Variants in ANKRD29 observed in about 807,000 individuals in gnomAD.
The protein encoded by ANKRD29 is ankyrin repeat domain 29, also known as ankyrin repeat domain-containing protein 29.
ANKRD29 carries 32 observed loss-of-function variants against 38.0 expected under a neutral mutation model. That is an observed-to-expected ratio of 0.84 (90% CI 0.64 to 1.13). ANKRD29 has a LOEUF of 1.13. Ranked by LOEUF, ANKRD29 falls within the 50% of genes most tolerant of loss-of-function variation. The pLI, the probability that ANKRD29 is intolerant of heterozygous loss-of-function variation, is 0.00. For missense variants in ANKRD29, 357 were observed against 377.9 expected, an observed-to-expected ratio of 0.94 and a Z score of 0.46; for synonymous variants, 135 against 152.4, an observed-to-expected ratio of 0.89 and a Z score of 0.84.
intron 1 of ANKRD29, among the ~76,000 whole-genome samples, chr18:23,650,111 T>C (rs929416094): frequency 6.6e-6 from 1 of 152,068 alleles, no homozygotes; most frequent in Non-Finnish European, 1.5e-5. Flanking sequence ...ATAATGCCAT[T>C]ACATGTCTTC....
chr18:23,642,610 C>T (rs2060092155), intron 3 of ANKRD29, among the ~76,000 whole-genome samples: 1 of 152,212 alleles, frequency 6.6e-6, no homozygotes, highest in African/African-American at 2.4e-5. Flanking sequence ...AGAATGAGCC[C>T]AACGGGCCTG....
chr18:23,608,008 C>T (rs2059594427), intron 9 of ANKRD29, among the ~76,000 whole-genome samples: 1 of 152,216 alleles, frequency 6.6e-6, no homozygotes, highest in African/African-American at 2.4e-5. Flanking sequence ...CTTGGAACTC[C>T]TGGAGCAGAA....
chr18:23,622,203 G>A (rs184397103), intron 6 of ANKRD29, among the ~76,000 whole-genome samples: 101 of 152,262 alleles, frequency 6.6e-4, no homozygotes, highest in South Asian at 2.3e-3. Context: ...GGGAAGGGTC[G>A]TTTGAAGGAG....
chr18:23,646,573 G>A (rs778007470), intron 2 of ANKRD29: 58 of 275,702 alleles, frequency 2.1e-4, no homozygotes, highest in Non-Finnish European at 3.3e-4. Flanking sequence ...TTAAGGCAGC[G>A]ATGATATATT....
Position 23,599,307 on chromosome 18 carries a change from T to C in ANKRD29, c.*1919A>G, listed in dbSNP as rs1300983967. ...ACTGGCTTCAATTTTATGGCTCTAATATTGTTCAAGAACATTACCCACTTA... is the reference window on the plus strand; with the variant it reads ...ACTGGCTTCAATTTTATGGCTCTAACATTGTTCAAGAACATTACCCACTTA... On this transcript the variant is annotated 3_prime_UTR_variant, in exon 10 of 10. Coordinates refer to ENST00000592179, the MANE Select transcript of ANKRD29 (RefSeq NM_173505.4). 1 of 152,236 alleles carries C rather than the reference T, an allele frequency of 6.6e-6. No individual in the cohort carries two copies. Among genetic ancestry groups the C allele is most frequent in the African/African-American group, 2.4e-5 (1 of 41,454 alleles). The allele number at this position is 152,236 out of a possible 1,614,324, so 9.4% of individuals were successfully genotyped here. A position where few individuals can be genotyped will look rare whatever the true frequency, so the allele number is the denominator to read the frequency against.
rs1567998718 is a variant in ANKRD29, at chr18:23,600,275, T to C, written c.*951A>G. On this transcript the variant is annotated 3_prime_UTR_variant, in exon 10 of 10. Coordinates refer to ENST00000592179, the MANE Select transcript of ANKRD29 (RefSeq NM_173505.4). ...TCTTTTATTATTTATATTCCTGCAA[T>C]AGTAATAGCAACATACTGTACTTGC... The C allele has an allele frequency of 6.6e-6, 1 of 152,242 alleles. No homozygotes were observed. The highest frequency in any genetic ancestry group is 1.5e-5 in the Non-Finnish European group (1 of 68,034). The allele number at this position is 152,242 out of a possible 1,614,324, so 9.4% of individuals were successfully genotyped here.
In ANKRD29 at chr18:23,646,189, C is replaced by T. The variant is rs762776121; in HGVS notation, c.231G>A (p.Glu77=). ...LQGADINLQR[E]SGTTALFFAA... is the part of the protein sequence containing the mutation. ...TCTTCAAGTGCAAAGCCTGACCTACCTCTCTCTGGAGATTGATGTCTGCTC... is the reference window on the plus strand; with the variant it reads ...TCTTCAAGTGCAAAGCCTGACCTACTTCTCTCTGGAGATTGATGTCTGCTC... The change falls in exon 3 of 10, where the codon GAG becomes GAA. Residue 77 remains glutamate, a splice_region_variant and synonymous_variant. Transcript: ENST00000592179. The T allele has an allele frequency of 6.2e-7, 1 of 1,614,058 alleles. No homozygotes were observed. Among genetic ancestry groups the T allele is most frequent in the Non-Finnish European group, 8.5e-7 (1 of 1,179,992 alleles).
intron 3 of ANKRD29, among the ~76,000 whole-genome samples, chr18:23,640,823 A>G (rs1775021723): frequency 6.6e-6 from 1 of 152,234 alleles, no homozygotes; most frequent in African/African-American, 2.4e-5. Flanking sequence ...AGACACAGTG[A>G]AAAGAAATCC....
intron 9 of ANKRD29, among the ~76,000 whole-genome samples, chr18:23,603,252 A>G (rs2059535087): frequency 1.3e-5 from 2 of 152,258 alleles, no homozygotes; most frequent in Non-Finnish European, 2.9e-5. Context: ...TTACCTATGC[A>G]TGGTTTGTAA....
chr18:23,649,770 G>A lies in ANKRD29; in HGVS notation c.22-577C>T, dbSNP rs188790899. Reference sequence around the variant, plus strand: ...TTTTGAGATGGAGTCTCACTCTGTCGCCAGGCTGGAGTGCAGTGGTGTGAT... The same window carrying A: ...TTTTGAGATGGAGTCTCACTCTGTCACCAGGCTGGAGTGCAGTGGTGTGAT... On this transcript the variant is annotated intron_variant, in intron 1 of 9. Coordinates refer to ENST00000592179, the MANE Select transcript of ANKRD29 (RefSeq NM_173505.4). Among the ~76,000 whole-genome samples the A allele has an allele frequency of 6.6e-5, 10 of 152,108 alleles. No homozygotes were observed. In the East Asian group the frequency reaches 1.2e-3, roughly 18 times the overall value.
chr18:23,640,225 G>A (rs1423080056), intron 3 of ANKRD29, among the ~76,000 whole-genome samples: 1 of 152,210 alleles, frequency 6.6e-6, no homozygotes, highest in African/African-American at 2.4e-5. Context: ...GGGGCTGGAA[G>A]AGGCAAGGAA....
intron 7 of ANKRD29, among the ~76,000 whole-genome samples, chr18:23,619,078 G>A (rs916225804): frequency 6.6e-6 from 1 of 152,230 alleles, no homozygotes; most frequent in African/African-American, 2.4e-5. Context: ...GCACACAAAG[G>A]CAGTATTAGG....
chr18:23,635,137 T>A (rs1294799494), intron 4 of ANKRD29, among the ~76,000 whole-genome samples: 1 of 152,038 alleles, frequency 6.6e-6, no homozygotes, highest in Non-Finnish European at 1.5e-5. Flanking sequence ...GGTGTGGTGG[T>A]GTGCGCCTGT....
chr18:23,648,950 T>A (rs2060175115), intron 2 of ANKRD29, 133 bp downstream of exon 2: 1 of 756,116 alleles, frequency 1.3e-6, no homozygotes, highest in Non-Finnish European at 2.1e-6. Flanking sequence ...CTTGGATGTT[T>A]TAAAAAGGAT....
At chr18:23,625,541 G>A (rs1264182986) in intron 6 of ANKRD29, among the ~76,000 whole-genome samples, 1 of 152,180 alleles carries the variant, frequency 6.6e-6, no homozygotes, top group African/African-American at 2.4e-5. Flanking sequence ...CGACTCACTA[G>A]AGAAAGTGCA....
chr18:23,602,501 C>G (rs965275451), intron 9 of ANKRD29, among the ~76,000 whole-genome samples: 1 of 152,184 alleles, frequency 6.6e-6, no homozygotes, highest in African/African-American at 2.4e-5. Flanking sequence ...ATCTAGTGAA[C>G]CAGTCCCTAC....
chr18:23,609,139 G>C (rs1652379), intron 9 of ANKRD29: 150,036 of 152,038 alleles, frequency 0.99, 74,035 homozygotes, highest in East Asian at 1. Context: ...CTTCTGGCTC[G>C]AAGAGTTTGA....
chr18:23,644,568 T>C (rs2060115744), intron 3 of ANKRD29, among the ~76,000 whole-genome samples: 1 of 152,212 alleles, frequency 6.6e-6, no homozygotes, highest in Admixed American at 6.5e-5. Flanking sequence ...CTGTAGTCTC[T>C]TTATACTGCT....
At chr18:23,610,661 T>C (rs757662535) in intron 9 of ANKRD29, among the ~76,000 whole-genome samples, 3 of 151,898 alleles carry the variant, frequency 2.0e-5, no homozygotes, top group Non-Finnish European at 2.9e-5. Context: ...TTTAAATAAA[T>C]AATAAATAAG....
Sources: gnomAD v4.1 joint callset for allele counts (sites outside exome capture counted in the v4.1 genomes callset) on GRCh38, gnomAD v4.1.1 for gene constraint, MANE v1.5 for transcripts, NCBI Gene and HGNC (gene_info 2026-07-23, HGNC 2026-07-21) for gene names.